Variants in PCLO observed in about 807,000 individuals in gnomAD.
PCLO encodes the protein piccolo presynaptic cytomatrix protein.
PCLO carries 82 observed loss-of-function variants against 427.5 expected under a neutral mutation model. That is an observed-to-expected ratio of 0.19 (90% CI 0.16 to 0.23). The LOEUF (loss-of-function observed/expected upper bound fraction) is 0.23, where lower values mean the gene tolerates loss of function less well. PCLO is among the 10% of genes least tolerant of loss of function. The pLI, the probability that PCLO is intolerant of heterozygous loss-of-function variation, is 1.00. For synonymous variants in PCLO, 2,357 were observed against 2,155.4 expected (o/e 1.09, Z -2.59); for missense variants, 6,239 against 6,115.9 (o/e 1.02, Z -0.67).
At chr7:82,909,285 G>A (rs1379621368) in intron 7 of PCLO, among the ~76,000 whole-genome samples, 2 of 151,874 alleles carry the variant, frequency 1.3e-5, no homozygotes, top group Non-Finnish European at 2.9e-5. Context: ...TTTAAATCAG[G>A]AGAAAAAAGA....
Position 82,952,013 on chromosome 7 carries a change from C to T in PCLO, c.8940G>A (p.Gly2980=), listed in dbSNP as rs923242418. 6.2e-7 allele frequency: 1 copy of T among 1,613,922 alleles called. No individual in the cohort carries two copies. The highest frequency in any genetic ancestry group is 1.7e-5 in the Admixed American group (1 of 60,006). Residue 2980 remains glycine, a synonymous_variant, in exon 5 of 25, where the codon GGG becomes GGA. Transcript: ENST00000333891. The part of the protein sequence containing the change: ...RDDHYQYDRS[G]PYGYRGIGGM... ...CCCCAATCCCTCTATAACCATATGG[C>T]CCTGATCGATCATACTGATAGTGGT... is the stretch of plus-strand genomic sequence containing the variant.
chr7:82,770,794 C>A (rs946607932), intron 22 of PCLO, among the ~76,000 whole-genome samples: 2 of 151,804 alleles, frequency 1.3e-5, no homozygotes, highest in African/African-American at 4.8e-5. Context: ...CATACTATAT[C>A]CTCGAGTAGC....
chr7:82,979,261 G>T (rs951190434), intron 3 of PCLO, among the ~76,000 whole-genome samples: 1 of 152,024 alleles, frequency 6.6e-6, no homozygotes, highest in Non-Finnish European at 1.5e-5. Context: ...CCTGTCCATG[G>T]TAAAAATTTG....
chr7:82,829,331 C>T (rs533038685), intron 16 of PCLO, among the ~76,000 whole-genome samples: 1 of 152,218 alleles, frequency 6.6e-6, no homozygotes, highest in African/African-American at 2.4e-5. Context: ...TGCTTACTCC[C>T]CGAAGGAAAG....
intron 3 of PCLO, among the ~76,000 whole-genome samples, chr7:82,971,426 ATGTG>A (rs371024798): frequency 3.3e-5 from 5 of 150,432 alleles, no homozygotes; most frequent in Non-Finnish European, 7.4e-5. Flanking sequence ...GTGTATATAT[ATGTG>A]TGTGTGTGTA....
chr7:82,949,863 T>G lies in PCLO; in HGVS notation c.10725A>C (p.Thr3575=). The part of the protein sequence containing the change: ...LGCQTEADSD[T]QSPQYLSATS... ...TGGCACTCAGATATTGAGGACTTTG[T>G]GTGTCTGAATCTGCTTCTGTTTGAC... The change falls in exon 6 of 25, where the codon ACA becomes ACC. Residue 3575 remains threonine, a synonymous_variant. Transcript: ENST00000333891. 1 of 1,613,808 alleles carries G rather than the reference T, an allele frequency of 6.2e-7. No homozygotes were observed.
At chr7:82,972,914 C>A (rs756192770) in intron 3 of PCLO, among the ~76,000 whole-genome samples, 34 of 152,014 alleles carry the variant, frequency 2.2e-4, no homozygotes, top group Non-Finnish European at 4.0e-4. Context: ...GCAATGTTAC[C>A]CGTAACTTGT....
chr7:82,759,770 A>G (rs984886738), intron 24 of PCLO, among the ~76,000 whole-genome samples: 1 of 151,190 alleles, frequency 6.6e-6, no homozygotes, highest in Non-Finnish European at 1.5e-5. Context: ...TTCTACTTTT[A>G]TTCCTTGTCT....
intron 3 of PCLO, among the ~76,000 whole-genome samples, chr7:83,028,059 C>A (rs966142266): frequency 1.3e-5 from 2 of 149,278 alleles, no homozygotes; most frequent in South Asian, 4.4e-4. Flanking sequence ...GACAGGGATG[C>A]CCTCTCTCAC....
chr7:82,845,586 A>T, intron 12 of PCLO, 101 bp from the exon 13 acceptor site: 1 of 735,820 alleles, frequency 1.4e-6, no homozygotes, highest in Non-Finnish European at 2.3e-6. Context: ...AACATTACCT[A>T]TAAAATAAGC....
chr7:83,048,246 G>A (rs898960150), intron 3 of PCLO, among the ~76,000 whole-genome samples: 1 of 151,768 alleles, frequency 6.6e-6, no homozygotes, highest in Non-Finnish European at 1.5e-5. Flanking sequence ...TTTATAACAC[G>A]TAATTATGTT....
At position 83,111,518 on chromosome 7, in the gene PCLO, TG is replaced by T. The variant is rs371259494; in HGVS notation, c.3300+22731del. On this transcript the variant is annotated intron_variant, in intron 3 of 24. Transcript: ENST00000333891. ...AAATTTTCATGACTGGCTTTGAAGG[TG>T]GGGAACCACAAGAAAAGGAATGTCA... Among the ~76,000 whole-genome samples, 12 of 152,282 alleles carry T rather than the reference TG, an allele frequency of 7.9e-5. 1 individual carries two copies. The highest frequency in any genetic ancestry group is 2.6e-4 in the African/African-American group (11 of 41,572).
chr7:83,033,445 C>A (rs1450219709), intron 3 of PCLO, among the ~76,000 whole-genome samples: 2 of 152,114 alleles, frequency 1.3e-5, no homozygotes, highest in Non-Finnish European at 2.9e-5. Flanking sequence ...GTAACCTATT[C>A]CTCAAGTAGG....
At chr7:82,870,834 C>T (rs1793216927) in intron 10 of PCLO, among the ~76,000 whole-genome samples, 1 of 151,858 alleles carries the variant, frequency 6.6e-6, no homozygotes, top group African/African-American at 2.4e-5. Context: ...CCAACAGATA[C>T]ATTAAAATGC....
At chr7:82,779,435 G>A (rs1472865446) in intron 22 of PCLO, among the ~76,000 whole-genome samples, 3 of 151,994 alleles carry the variant, frequency 2.0e-5, no homozygotes, top group African/African-American at 7.2e-5. Context: ...TAATTACTTT[G>A]ATTAACTTTG....
chr7:82,865,667 G>A (rs1793074536), intron 10 of PCLO, among the ~76,000 whole-genome samples: 1 of 151,908 alleles, frequency 6.6e-6, no homozygotes, highest in Non-Finnish European at 1.5e-5. Context: ...AAATGGTGAA[G>A]GGATTTTGGC....
intron 6 of PCLO, among the ~76,000 whole-genome samples, chr7:82,933,217 G>T (rs1333499429): frequency 6.6e-6 from 1 of 151,964 alleles, no homozygotes; most frequent in East Asian, 1.9e-4. Context: ...TTGTTTCCAA[G>T]AAATGAGAAT....
At chr7:82,859,576 G>C (rs1328271873) in intron 10 of PCLO, among the ~76,000 whole-genome samples, 1 of 152,102 alleles carries the variant, frequency 6.6e-6, no homozygotes, top group Non-Finnish European at 1.5e-5. Context: ...AGCAGACATA[G>C]CTTAGACCAT....
rs1438679111 is a variant in PCLO at position 82,955,793 on chromosome 7, C to A, written c.5160G>T (p.Leu1720=). Residue 1720 remains leucine (L), a synonymous_variant, in exon 5 of 25, where the codon CTG becomes CTT. Transcript: ENST00000333891. ...TACCAGGAGTGAAGCTGGAAGCATG[C>A]AGACTCGAAGATCCCTCTCCCCTTG... The part of the protein sequence containing the change: ...DRSRGEGSSS[L]HASSFTPGTS... 4 of 1,613,818 alleles carry A rather than the reference C, an allele frequency of 2.5e-6. No individual in the cohort carries two copies. The Admixed American group carries it at 5.0e-5, about 20-fold the overall frequency.
Sources: gnomAD v4.1 joint callset for allele counts (sites outside exome capture counted in the v4.1 genomes callset) on GRCh38, gnomAD v4.1.1 for gene constraint, MANE v1.5 for transcripts, NCBI Gene and HGNC (gene_info 2026-07-23, HGNC 2026-07-21) for gene names.